Variants in SHANK1 observed in about 807,000 individuals in gnomAD.
The protein encoded by SHANK1 is SH3 and multiple ankyrin repeat domains 1, also known as SH3 and multiple ankyrin repeat domains protein 1.
In SHANK1, 35 loss-of-function variants were observed where a neutral mutation model predicts 165.6. That is an observed-to-expected ratio of 0.21 (90% confidence interval 0.16 to 0.28). SHANK1 has a LOEUF of 0.28. Among genes scored for constraint, SHANK1 ranks in the 10% least tolerant of loss-of-function variants. The pLI, the probability that SHANK1 is intolerant of heterozygous loss-of-function variation, is 1.00. For missense variants in SHANK1, 2,681 were observed against 3,036.4 expected, an observed-to-expected ratio of 0.88 and a Z score of 2.75; for synonymous variants, 1,428 against 1,384.8, an observed-to-expected ratio of 1.03 and a Z score of -0.69.
In SHANK1 at chr19:50,704,117, C is replaced by T. The variant is rs1405181670; in HGVS notation, c.1222+3G>A. 1 of 1,613,738 alleles carries T rather than the reference C, an allele frequency of 6.2e-7. No individual in the cohort carries two copies. Among genetic ancestry groups the T allele is most frequent in the Non-Finnish European group, 8.5e-7 (1 of 1,179,910 alleles). ...TGTGCAGTCCGAGCTCCCTGTCACT[C>T]ACCCACATCCTGTTCTCGGTGGTTT... is the stretch of plus-strand genomic sequence containing the variant. On this transcript the variant is annotated splice_donor_region_variant and intron_variant, in intron 10 of 23. Coordinates refer to ENST00000293441, the MANE Select transcript of SHANK1 (RefSeq NM_016148.5).
chr19:50,716,764 G>C lies in SHANK1; in HGVS notation c.156C>G (p.Ala52=), dbSNP rs1242024112. Residue 52 remains alanine (A), a synonymous_variant, in exon 2 of 24, where the codon GCC becomes GCG. Coordinates refer to ENST00000293441, the MANE Select transcript of SHANK1 (RefSeq NM_016148.5). This position sits in a 1 kb window ranked among gnomAD's most constrained non-coding sequence, Gnocchi z 8.4. The part of the protein sequence containing the change: ...GQGSGAPGSL[A]SVRGLQGRSM... ...AGCGGCCCTGGAGGCCTCTAACAGA[G>C]GCCAGGCTACCAGGTGCCCCACTGC... 6.2e-7 allele frequency: 1 copy of C among 1,608,684 alleles called. No individual in the cohort carries two copies. Among genetic ancestry groups the C allele is most frequent in the Middle Eastern group, 1.7e-4 (1 of 6,024 alleles).
rs2089031291 is a variant in SHANK1 at position 50,713,391 on chromosome 19, G to T, written c.792+407C>A. 6.6e-6 allele frequency among the ~76,000 whole-genome samples: 1 copy of T among 152,002 alleles called. No individual in the cohort carries two copies. Among genetic ancestry groups the T allele is most frequent in the Non-Finnish European group, 1.5e-5 (1 of 67,980 alleles). ...GAGCTGGTGCAGTGCTGGTTTGGAA[G>T]GGTAGCTGGGGGGCTGTTTTCAGGG... On this transcript the variant is annotated intron_variant, in intron 6 of 23. Transcript: ENST00000293441. The surrounding 1 kb of genome is among the most constrained non-coding windows in gnomAD (Gnocchi z 6.2).
chr19:50,666,039 AAAAAG>A (rs1221884050), intron 23 of SHANK1, among the ~76,000 whole-genome samples, 148 bp downstream of exon 23: 1 of 146,276 alleles, frequency 6.8e-6, no homozygotes, highest in Non-Finnish European at 1.5e-5. Flanking sequence ...AAAAAAAAAG[AAAAAG>A]AAAATATTTG....
intron 22 of SHANK1, among the ~76,000 whole-genome samples, chr19:50,671,043 C>G (rs565871653): frequency 6.6e-6 from 1 of 151,884 alleles, no homozygotes. Context: ...CCGCCTGCCT[C>G]GGCCTCCCAA....
chr19:50,667,448 C>G lies in SHANK1; in HGVS notation c.4512G>C (p.Val1504=), dbSNP rs756553580. The change falls in exon 23 of 24, where the codon GTG becomes GTC. Residue 1504 remains valine (V), a synonymous_variant. Coordinates refer to ENST00000293441, the MANE Select transcript of SHANK1 (RefSeq NM_016148.5). The surrounding 1 kb of genome is among the most constrained non-coding windows in gnomAD (Gnocchi z 5.7). ...CCGAGGGGGGACCCCTTCCGCTCGT[C>G]ACAGGGGCCCGGGGCTGGCAGTTTT... ...FLENCQPRAP[V]TSGRGPPSED... 1 of 1,529,266 alleles carries G rather than the reference C, an allele frequency of 6.5e-7. No homozygotes were observed. Among genetic ancestry groups the G allele is most frequent in the Admixed American group, 2.1e-5 (1 of 47,168 alleles). 94.7% of individuals were successfully genotyped at this position (1,529,266 alleles called of 1,614,324 possible).
In SHANK1 at chr19:50,719,487, C is replaced by CG. The variant is rs200290570; in HGVS notation, c.-126dup. The CG allele has an allele frequency of 1, 109,786 of 109,914 alleles. 54,829 individuals are homozygous for CG. Among genetic ancestry groups the CG allele is most frequent in the Middle Eastern group, 1 (142 of 142 alleles). 6.8% of individuals were successfully genotyped at this position (109,914 alleles called of 1,614,324 possible). A position where few individuals can be genotyped will look rare whatever the true frequency, so the allele number is the denominator to read the frequency against. ...CCCCCACCCCCCACCCCCCCGGAGA[C>CG]GGGGACCCTCAGGCCATGCCCCACC... On this transcript the variant is annotated 5_prime_UTR_variant, in exon 1 of 24. Transcript: ENST00000293441.
At position 50,666,744 on chromosome 19, in the gene SHANK1, C is replaced by T. The variant is rs76667316; in HGVS notation, c.5216G>A (p.Gly1739Asp). ...GTATGGCGGGCCGGGAGTACTGCTG[C>T]CCCCAAAGGCCTGGCCGTCCAGGTA... ...VAYLDGQAFGGSSTPGPPYPP... is the reference protein window; with the variant it reads ...VAYLDGQAFGDSSTPGPPYPP... The change falls in exon 23 of 24, where the codon GGC (glycine) becomes GAC (aspartate). Residue 1739 changes from glycine (G) to aspartate (D), a missense_variant. Physicochemically the swap from Gly to Asp is moderately conservative, Grantham distance 94. Around this residue, in one of 10 missense-constraint regions of SHANK1, gnomAD observed 1,713 missense variants for 1,630.2 expected, o/e 1.05. Coordinates refer to ENST00000293441, the MANE Select transcript of SHANK1 (RefSeq NM_016148.5). The T allele has an allele frequency of 1.3e-6, 2 of 1,562,284 alleles. No homozygotes were observed. Among genetic ancestry groups the T allele is most frequent in the Non-Finnish European group, 1.7e-6 (2 of 1,154,894 alleles).
rs3826780 is a variant in SHANK1, at chr19:50,717,630, G to A, written c.-43-668C>T. On this transcript the variant is annotated intron_variant, in intron 1 of 23. Transcript: ENST00000293441. This position sits in a 1 kb window ranked among gnomAD's most constrained non-coding sequence, Gnocchi z 5.5. ...GCATTTGGCCTAGGGTGTCCCCAAG[G>A]GAACCACAAGAGGTGGCTTTTGGAG... Among the ~76,000 whole-genome samples, 227 of 152,286 alleles carry A rather than the reference G, an allele frequency of 1.5e-3. 4 individuals carry two copies. In the East Asian group the frequency reaches 0.038, roughly 26 times the overall value.
rs2089072049 is a variant in SHANK1, at chr19:50,716,565, G to A, written c.256-87C>T. On this transcript the variant is annotated intron_variant, in intron 2 of 23. Coordinates refer to ENST00000293441, the MANE Select transcript of SHANK1 (RefSeq NM_016148.5). This position sits in a 1 kb window ranked among gnomAD's most constrained non-coding sequence, Gnocchi z 8.4. The stretch of plus-strand genomic sequence containing the variant: ...TTGGGAAGTGAGCCAGGAGCTGAGT[G>A]TGGGGGTGATTCCTGGGAGGATACC... 2 of 1,568,324 alleles carry A rather than the reference G, an allele frequency of 1.3e-6. No individual in the cohort carries two copies. The highest frequency in any genetic ancestry group is 1.7e-5 in the Admixed American group (1 of 57,436).
At position 50,668,686 on chromosome 19, in the gene SHANK1, C is replaced by T. The variant is rs1398073190; in HGVS notation, c.3274G>A (p.Ala1092Thr). The T allele has an allele frequency of 2.3e-6, 3 of 1,310,122 alleles. No homozygotes were observed. Among genetic ancestry groups the T allele is most frequent in the East Asian group, 3.2e-5 (1 of 31,324 alleles). 81.2% of individuals were successfully genotyped at this position (1,310,122 alleles called of 1,614,324 possible). The change falls in exon 23 of 24, where the codon GCC becomes ACC. Residue 1092 changes from alanine (A) to threonine (T), a missense_variant. This residue lies in a region of SHANK1 where 1,713 missense variants were observed against 1,630.2 expected (regional missense o/e 1.05). Coordinates refer to ENST00000293441, the MANE Select transcript of SHANK1 (RefSeq NM_016148.5). Reference protein sequence around the residue: ...LRYFQLPPRAASAAMYVPARS... With the variant: ...LRYFQLPPRATSAAMYVPARS... ...GCGGGCACGTACATGGCTGCGCTGG[C>T]CGCCCGCGGGGGCAGCTGGAAATAG...
At position 50,712,112 on chromosome 19, in the gene SHANK1, C is replaced by A; in HGVS notation, c.795G>T (p.Ala265=). ...TGGGGGAACCCCCAAGGTCCAGGAG[C>A]GCCTAGGAACGGAGAGAGAACCCAG... ...ACARHCLALT[A]LLDLGGSPNY... is the part of the protein sequence containing the mutation. Residue 265 remains alanine, a splice_region_variant and synonymous_variant, in exon 7 of 24, where the codon GCG becomes GCT. Transcript: ENST00000293441. 6.3e-7 allele frequency: 1 copy of A among 1,580,888 alleles called. No homozygotes were observed. The highest frequency in any genetic ancestry group is 8.6e-7 in the Non-Finnish European group (1 of 1,165,904).
chr19:50,680,480 A>G (rs893812080), intron 21 of SHANK1, among the ~76,000 whole-genome samples: 3 of 152,060 alleles, frequency 2.0e-5, no homozygotes, highest in African/African-American at 7.2e-5. Flanking sequence ...AGCCATACCG[A>G]GGGGCGGATG....
rs1419147844 is a variant in SHANK1, at chr19:50,703,563, G to A, written c.1490C>T (p.Ala497Val). 6 of 1,554,730 alleles carry A rather than the reference G, an allele frequency of 3.9e-6. No homozygotes were observed. The highest frequency in any genetic ancestry group is 5.2e-6 in the Non-Finnish European group (6 of 1,154,498). ...GTGCCTCCCTCGGGATGGAGAGCGG[G>A]CCCTGGCACCCCGGGGGCTGCTGGC... Reference protein sequence around the residue: ...RSASSPRGARARSPSRGRHPE... With the variant: ...RSASSPRGARVRSPSRGRHPE... Residue 497 changes from alanine (A) to valine (V), a missense_variant, in exon 11 of 24, where the codon GCC becomes GTC. Ala to Val is a moderately conservative substitution (Grantham distance 64). Transcript: ENST00000293441.
chr19:50,668,854 G>A lies in SHANK1; in HGVS notation c.3106C>T (p.Pro1036Ser). 1 of 1,287,434 alleles carries A rather than the reference G, an allele frequency of 7.8e-7. No homozygotes were observed. The allele number at this position is 1,287,434 out of a possible 1,614,324, so 79.8% of individuals were successfully genotyped here. A position where few individuals can be genotyped will look rare whatever the true frequency, so the allele number is the denominator to read the frequency against. Residue 1036 changes from proline (P) to serine (S), a missense_variant, in exon 23 of 24, where the codon CCA becomes TCA. Physicochemically the swap from Pro to Ser is moderately conservative, Grantham distance 74 (BLOSUM62 -1). Coordinates refer to ENST00000293441, the MANE Select transcript of SHANK1 (RefSeq NM_016148.5). ...TGGGGCCCCAGAGCCAGGCGGGGTG[G>A]AGGGTCGTCGGGAGAGCCGCCTGTC... ...METGGSPDDP[P>S]PRLALGPQPS...
At chr19:50,696,054 C>T (rs1205028335) in intron 15 of SHANK1, among the ~76,000 whole-genome samples, 2 of 152,100 alleles carry the variant, frequency 1.3e-5, no homozygotes, top group Admixed American at 6.5e-5. Flanking sequence ...AGACGCACCA[C>T]ACACACAGCA....
Position 50,686,512 on chromosome 19 carries a change from C to T in SHANK1, c.2459-157G>A, listed in dbSNP as rs1359911741. ...CTGGGTCCGGGTGGACGGGCAGTCC[C>T]GCTTGGAGACACAATCTCCCAGCCC... On this transcript the variant is annotated intron_variant, in intron 20 of 23. Coordinates refer to ENST00000293441, the MANE Select transcript of SHANK1 (RefSeq NM_016148.5). The surrounding 1 kb of genome is among the most constrained non-coding windows in gnomAD (Gnocchi z 5.7). Among the ~76,000 whole-genome samples the T allele has an allele frequency of 6.6e-6, 1 of 152,110 alleles. No homozygotes were observed. Among genetic ancestry groups the T allele is most frequent in the Non-Finnish European group, 1.5e-5 (1 of 68,012 alleles).
chr19:50,714,137 C>G lies in SHANK1; in HGVS notation c.640+45G>C, dbSNP rs2089041679. The stretch of plus-strand genomic sequence containing the variant: ...TGCAGATGGCACCCCTGCTCCCCAG[C>G]TCTGTCCTGGCCCTGAGGTCCTCCT... On this transcript the variant is annotated intron_variant, in intron 5 of 23. Coordinates refer to ENST00000293441, the MANE Select transcript of SHANK1 (RefSeq NM_016148.5). 5 of 1,584,498 alleles carry G rather than the reference C, an allele frequency of 3.2e-6. No homozygotes were observed. The East Asian group carries it at 1.1e-4, about 35-fold the overall frequency.
At chr19:50,687,141 T>TG (rs1021826408) in intron 19 of SHANK1, 9 of 661,000 alleles carry the variant, frequency 1.4e-5, no homozygotes, top group Admixed American at 1.2e-4. Flanking sequence ...GGCCCCGGGG[T>TG]GGGGGCGGTC....
In SHANK1 at chr19:50,659,462, G is replaced by C. The variant is rs1333205915; in HGVS notation, c.*2503C>G. ...CCAATCCCTTGAGGGATGAACTGAA[G>C]CCCGCGAAAGGGAAGACCTGGGCAC... On this transcript the variant is annotated 3_prime_UTR_variant, in exon 24 of 24. Coordinates refer to ENST00000293441, the MANE Select transcript of SHANK1 (RefSeq NM_016148.5). Among the ~76,000 whole-genome samples, 2 of 151,842 alleles carry C rather than the reference G, an allele frequency of 1.3e-5. No individual in the cohort carries two copies. The highest frequency in any genetic ancestry group is 4.8e-5 in the African/African-American group (2 of 41,336).
Sources: allele counts gnomAD v4.1 joint callset (sites outside exome capture counted in the v4.1 genomes callset), GRCh38; gene constraint gnomAD v4.1.1; regional missense constraint gnomAD v4.1.1; non-coding constraint Gnocchi (gnomAD v3.1); transcripts MANE v1.5; gene names NCBI Gene and HGNC (gene_info 2026-07-23, HGNC 2026-07-21).